Variants in IFT80 observed in about 807,000 individuals in gnomAD.
IFT80 encodes the protein intraflagellar transport protein 80 homolog.
A neutral mutation model predicts 107.9 loss-of-function variants in IFT80; 79 were observed. That is an observed-to-expected ratio of 0.73 (90% CI 0.61 to 0.88). IFT80 has a LOEUF of 0.88. Ranked by LOEUF, IFT80 falls within the 40% of genes least tolerant of loss-of-function variation. The probability of loss-of-function intolerance (pLI) is 0.00; values close to 1 mark genes in which losing one functional copy is unlikely to be tolerated. For synonymous variants in IFT80, 299 were observed against 300.9 expected, an observed-to-expected ratio of 0.99 and a Z score of 0.07; for missense variants, 797 against 914.2, an observed-to-expected ratio of 0.87 and a Z score of 1.65.
chr3:160,282,368 T>C (rs1714750121), intron 14 of IFT80, 110 bp downstream of exon 14: 1 of 764,222 alleles, frequency 1.3e-6, no homozygotes. Context: ...AGCTAAGAAG[T>C]ATTACAAGAT....
At chr3:160,298,115 C>T (rs530142925) in intron 12 of IFT80, among the ~76,000 whole-genome samples, 6 of 152,202 alleles carry the variant, frequency 3.9e-5, no homozygotes, top group Non-Finnish European at 5.9e-5. Flanking sequence ...GGTACTCAAA[C>T]CCACCCAAGA....
chr3:160,379,268 T>A (rs1712282260), intron 3 of IFT80, among the ~76,000 whole-genome samples: 2 of 152,110 alleles, frequency 1.3e-5, no homozygotes. Flanking sequence ...CACAAAAGAC[T>A]GAAGAGTTGT....
At chr3:160,325,327 A>G (rs1201246276) in intron 8 of IFT80, among the ~76,000 whole-genome samples, 1 of 152,190 alleles carries the variant, frequency 6.6e-6, no homozygotes, top group African/African-American at 2.4e-5. Context: ...CGCTAAGTCA[A>G]TCCTAAGCCT....
At chr3:160,369,164 T>C (rs2108382874) in intron 5 of IFT80, among the ~76,000 whole-genome samples, 1 of 152,062 alleles carries the variant, frequency 6.6e-6, no homozygotes, top group South Asian at 2.1e-4. Flanking sequence ...TAAACAATAA[T>C]GTTAAAGAAA....
intron 8 of IFT80, among the ~76,000 whole-genome samples, chr3:160,328,632 C>T (rs771651794): frequency 1.3e-5 from 2 of 151,846 alleles, no homozygotes; most frequent in Admixed American, 1.3e-4. Context: ...CCCAGTGATA[C>T]CATTACTGGG....
At chr3:160,378,129 T>C (rs1263695211) in intron 3 of IFT80, among the ~76,000 whole-genome samples, 1 of 152,162 alleles carries the variant, frequency 6.6e-6, no homozygotes, top group East Asian at 1.9e-4. Flanking sequence ...TGTCTACCTG[T>C]TGCCTGACAC....
Position 160,381,702 on chromosome 3 carries a change from C to A in IFT80, c.60G>T (p.Val20=), listed in dbSNP as rs201088893. The A allele has an allele frequency of 6.2e-6, 10 of 1,611,898 alleles. No homozygotes were observed. The Admixed American group carries it at 6.7e-5, about 11-fold the overall frequency. The change falls in exon 3 of 20, where the codon GTG becomes GTT. Residue 20 remains valine (V), a synonymous_variant. Coordinates refer to ENST00000326448, the MANE Select transcript of IFT80 (RefSeq NM_020800.3). ...ACAGCTCTTCAGCAGTAGTCCAGCC[C>A]ACACAGCTTACTAATTCTTGATGTG... is the stretch of plus-strand genomic sequence containing the variant. ...EPKHQELVSC[V]GWTTAEELYS...
At chr3:160,350,651 C>A (rs888687991) in intron 8 of IFT80, among the ~76,000 whole-genome samples, 4 of 152,090 alleles carry the variant, frequency 2.6e-5, no homozygotes, top group African/African-American at 9.6e-5. Context: ...CCCACCTCTA[C>A]TAAAAATACA....
intron 1 of IFT80, among the ~76,000 whole-genome samples, chr3:160,397,762 C>T (rs1262840477): frequency 7.8e-6 from 1 of 128,174 alleles, no homozygotes; most frequent in Non-Finnish European, 1.6e-5. Context: ...GCTCTTGTTG[C>T]CCAGGCTGTA....
In IFT80 at chr3:160,267,074, A is replaced by G. The variant is rs560817473; in HGVS notation, c.2223+1339T>C. On this transcript the variant is annotated intron_variant, in intron 19 of 19. Transcript: ENST00000326448. ...GGTTTGTGGAGCTTCTAAAAAACATATCTCCTTTCTACCATGAAACCCACA... is the reference window on the plus strand; with the variant it reads ...GGTTTGTGGAGCTTCTAAAAAACATGTCTCCTTTCTACCATGAAACCCACA... Among the ~76,000 whole-genome samples the G allele has an allele frequency of 1.2e-4, 18 of 152,278 alleles. No individual in the cohort carries two copies. In the South Asian group the frequency reaches 3.5e-3, roughly 30 times the overall value.
chr3:160,287,980 T>C (rs181275825), intron 12 of IFT80, among the ~76,000 whole-genome samples: 4 of 152,052 alleles, frequency 2.6e-5, no homozygotes, highest in Admixed American at 6.5e-5. Context: ...CCTAAGAGAA[T>C]AGGGACAGAC....
At chr3:160,263,740 G>C (rs1174449249) in intron 19 of IFT80, among the ~76,000 whole-genome samples, 1 of 152,092 alleles carries the variant, frequency 6.6e-6, no homozygotes, top group Non-Finnish European at 1.5e-5. Context: ...GCAGTGGCGT[G>C]ATCTCAGCTC....
intron 8 of IFT80, among the ~76,000 whole-genome samples, chr3:160,351,191 T>C (rs1166418833): frequency 6.6e-6 from 1 of 151,946 alleles, no homozygotes; most frequent in African/African-American, 2.4e-5. Flanking sequence ...TATATACTAA[T>C]AAGATCACCC....
intron 4 of IFT80, among the ~76,000 whole-genome samples, chr3:160,376,937 G>A (rs944460120): frequency 6.6e-6 from 1 of 152,190 alleles, no homozygotes; most frequent in Non-Finnish European, 1.5e-5. Flanking sequence ...AGAACCTCAT[G>A]AGAGGCTCTG....
chr3:160,292,745 T>G (rs758157925), intron 12 of IFT80, among the ~76,000 whole-genome samples: 1 of 152,078 alleles, frequency 6.6e-6, no homozygotes. Context: ...TTTTGTTTTT[T>G]TGATGGATCT....
chr3:160,356,093 T>C lies in IFT80; in HGVS notation c.697A>G (p.Thr233Ala). Reference protein sequence around the residue: ...YNSQPHEHPITSVAWAPDGEL... With the variant: ...YNSQPHEHPIASVAWAPDGEL... The stretch of plus-strand genomic sequence containing the variant: ...CCATCTGGAGCCCAGGCAACTGAAG[T>C]AATGGGATGCTCATGAGGTTGTGAA... Residue 233 changes from threonine to alanine, a missense_variant, in exon 8 of 20, where the codon ACT becomes GCT. Physicochemically the swap from Thr to Ala is moderately conservative, Grantham distance 58 (BLOSUM62 0). Transcript: ENST00000326448. 3.1e-6 allele frequency: 5 copies of C among 1,614,100 alleles called. No individual in the cohort carries two copies. The highest frequency in any genetic ancestry group is 4.2e-6 in the Non-Finnish European group (5 of 1,179,974).
At chr3:160,300,847 C>T (rs1249367227) in intron 12 of IFT80, 36 bp downstream of exon 12, 1 of 1,528,930 alleles carries the variant, frequency 6.5e-7, no homozygotes, top group Non-Finnish European at 8.9e-7. Flanking sequence ...TAACAAATTT[C>T]ATATTTGACA....
At position 160,386,257 on chromosome 3, in the gene IFT80, G is replaced by C. The variant is rs141545228; in HGVS notation, c.-46-1611C>G. ...TCCATTTATCTGAGACCATCTGTAT[G>C]AATGACATGTGTACTTTCATGTGGG... On this transcript the variant is annotated intron_variant, in intron 1 of 19. Coordinates refer to ENST00000326448, the MANE Select transcript of IFT80 (RefSeq NM_020800.3). Among the ~76,000 whole-genome samples the C allele has an allele frequency of 2.6e-3, 398 of 152,288 alleles. 3 individuals carry two copies. Among genetic ancestry groups the C allele is most frequent in the African/African-American group, 9.2e-3 (382 of 41,564 alleles).
chr3:160,313,174 C>A (rs961028852), intron 9 of IFT80, among the ~76,000 whole-genome samples: 1 of 137,102 alleles, frequency 7.3e-6, no homozygotes, highest in African/African-American at 2.7e-5. Context: ...ACCATTTTCA[C>A]GAGAAGTCTG....
Sources: gnomAD v4.1 joint callset for allele counts (sites outside exome capture counted in the v4.1 genomes callset) on GRCh38, gnomAD v4.1.1 for gene constraint, MANE v1.5 for transcripts, NCBI Gene and HGNC (gene_info 2026-07-23, HGNC 2026-07-21) for gene names.